The following CACNA1C variants were observed in gnomAD, a reference collection of about 807,000 sequenced individuals.
The protein encoded by CACNA1C is voltage-dependent L-type calcium channel subunit alpha-1C.
A neutral mutation model predicts 229.0 loss-of-function variants in CACNA1C; 30 were observed. The ratio of observed to expected loss-of-function variants is 0.13; its 90% CI spans 0.10 to 0.18. CACNA1C has a LOEUF of 0.18. CACNA1C is among the 10% of genes least tolerant of loss of function. CACNA1C has a pLI of 1.00. For missense variants in CACNA1C, 1,658 were observed against 2,845.0 expected, an observed-to-expected ratio of 0.58 and a Z score of 9.49; for synonymous variants, 1,114 against 1,132.5, an observed-to-expected ratio of 0.98 and a Z score of 0.33.
At chr12:2,593,883 A>C (rs2066742057) in intron 19 of CACNA1C, among the ~76,000 whole-genome samples, 1 of 152,106 alleles carries the variant, frequency 6.6e-6, no homozygotes, top group Non-Finnish European at 1.5e-5. Context: ...TTTCTTCCTA[A>C]AGTACATTCT....
chr12:2,604,964 T>A, intron 22 of CACNA1C, 117 bp from the exon 23 acceptor site: 1 of 767,150 alleles, frequency 1.3e-6, no homozygotes. Context: ...CAAGATGGGC[T>A]TTATGTTTTC....
chr12:2,118,227 G>A (rs2084871630), intron 2 of CACNA1C, among the ~76,000 whole-genome samples: 1 of 152,222 alleles, frequency 6.6e-6, no homozygotes, highest in Non-Finnish European at 1.5e-5. Flanking sequence ...CTGTGGTGGA[G>A]GCAATGAAGT....
intron 9 of CACNA1C, among the ~76,000 whole-genome samples, chr12:2,536,804 G>A (rs184251008): frequency 2.5e-4 from 38 of 152,214 alleles, no homozygotes; most frequent in African/African-American, 7.2e-4. Context: ...ACTCCAGCCT[G>A]GGCAACAGAG....
intron 3 of CACNA1C, among the ~76,000 whole-genome samples, chr12:2,151,275 T>G (rs1223398763): frequency 6.6e-6 from 1 of 151,382 alleles, no homozygotes; most frequent in Non-Finnish European, 1.5e-5. Flanking sequence ...TTTTTTTTTA[T>G]TTTTTGCCCA....
At chr12:2,472,194 T>C (rs2099597108) in intron 5 of CACNA1C, among the ~76,000 whole-genome samples, 1 of 152,206 alleles carries the variant, frequency 6.6e-6, no homozygotes, top group Admixed American at 6.5e-5. Context: ...TTTCTTCAAA[T>C]ATTTTTTTGT....
chr12:2,521,213 A>G (rs2099809195), intron 9 of CACNA1C, among the ~76,000 whole-genome samples: 3 of 152,202 alleles, frequency 2.0e-5, no homozygotes, highest in Non-Finnish European at 4.4e-5. Flanking sequence ...TCACTGTGTA[A>G]CAGCTATGGT....
rs2059805481 is a variant in CACNA1C at position 2,215,723 on chromosome 12, C to T, written c.477+95293C>T. On this transcript the variant is annotated intron_variant, in intron 3 of 46. Transcript: ENST00000399655. This position sits in a 1 kb window ranked among gnomAD's most constrained non-coding sequence, Gnocchi z 5.0. ...CCAAACAGGCCAGTCCTTGGAGCTG[C>T]TGCCATGGCTTCAGCTTCCAGTACC... is the stretch of plus-strand genomic sequence containing the variant. Among the ~76,000 whole-genome samples, 1 of 152,216 alleles carries T rather than the reference C, an allele frequency of 6.6e-6. No homozygotes were observed. Among genetic ancestry groups the T allele is most frequent in the African/African-American group, 2.4e-5 (1 of 41,452 alleles).
chr12:2,039,256 G>T (rs1330020443), intron 1 of CACNA1C, among the ~76,000 whole-genome samples: 3 of 152,120 alleles, frequency 2.0e-5, no homozygotes, highest in Non-Finnish European at 4.4e-5. Context: ...ATCTCCCTGG[G>T]TAACCTGCCA....
intron 9 of CACNA1C, among the ~76,000 whole-genome samples, chr12:2,538,432 A>G (rs1599311202): frequency 6.6e-6 from 1 of 152,004 alleles, no homozygotes; most frequent in African/African-American, 2.4e-5. Flanking sequence ...GTGGCCTGGG[A>G]ACTGTGTTTC....
chr12:2,189,210 G>A (rs757149251), intron 3 of CACNA1C, among the ~76,000 whole-genome samples: 1 of 152,004 alleles, frequency 6.6e-6, no homozygotes, highest in Non-Finnish European at 1.5e-5. Flanking sequence ...TGGTGCCTGG[G>A]TTAGCACCAT....
chr12:2,251,773 G>A (rs568341653), intron 3 of CACNA1C, among the ~76,000 whole-genome samples: 5 of 152,316 alleles, frequency 3.3e-5, no homozygotes, highest in African/African-American at 4.8e-5. Flanking sequence ...TCCATGAAGC[G>A]AAAATGTTTC....
chr12:1,986,762 A>T (rs1380418948), intron 1 of CACNA1C, among the ~76,000 whole-genome samples: 2 of 152,090 alleles, frequency 1.3e-5, no homozygotes, highest in African/African-American at 4.8e-5. Flanking sequence ...TCACCACCAT[A>T]GCAGTTTTTC....
At chr12:2,267,871 C>T (rs1197326089) in intron 3 of CACNA1C, among the ~76,000 whole-genome samples, 2 of 152,158 alleles carry the variant, frequency 1.3e-5, no homozygotes, top group Non-Finnish European at 1.5e-5. Context: ...ATGCTGGCCT[C>T]GCCAGTCCTT....
chr12:2,482,590 C>A (rs981872267), intron 5 of CACNA1C, among the ~76,000 whole-genome samples: 1 of 152,204 alleles, frequency 6.6e-6, no homozygotes, highest in South Asian at 2.1e-4. Flanking sequence ...GTCTTCAGAA[C>A]GCGCTCATCA....
intron 13 of CACNA1C, among the ~76,000 whole-genome samples, chr12:2,577,933 A>G (rs1178440125): frequency 1.4e-5 from 2 of 147,764 alleles, no homozygotes; most frequent in African/African-American, 2.5e-5. Flanking sequence ...CAGTGGCGCG[A>G]TCTCGGCTCA....
intron 3 of CACNA1C, among the ~76,000 whole-genome samples, chr12:2,169,997 T>A (rs1256990723): frequency 1.3e-5 from 2 of 152,202 alleles, no homozygotes; most frequent in African/African-American, 2.4e-5. Flanking sequence ...AGAGCAGGGC[T>A]GGCTCCCCTG....
chr12:2,208,026 C>T (rs904593109), intron 3 of CACNA1C, among the ~76,000 whole-genome samples: 1 of 152,102 alleles, frequency 6.6e-6, no homozygotes, highest in Non-Finnish European at 1.5e-5. Flanking sequence ...CAAGGAGGTA[C>T]GCAGCCAAAT....
chr12:2,492,402 A>G (rs948822684), intron 6 of CACNA1C, among the ~76,000 whole-genome samples: 5 of 152,208 alleles, frequency 3.3e-5, no homozygotes, highest in African/African-American at 1.2e-4. Flanking sequence ...CTGCCGCTCT[A>G]TCTTGATAGA....
intron 3 of CACNA1C, among the ~76,000 whole-genome samples, chr12:2,295,805 G>A (rs2093985358): frequency 6.6e-6 from 1 of 152,240 alleles, no homozygotes; most frequent in Admixed American, 6.5e-5. Flanking sequence ...TGGCTAGTAA[G>A]TGGCAAATGT....
Sources: allele counts gnomAD v4.1 joint callset (sites outside exome capture counted in the v4.1 genomes callset), GRCh38; gene constraint gnomAD v4.1.1; non-coding constraint Gnocchi (gnomAD v3.1); transcripts MANE v1.5; gene names NCBI Gene and HGNC (gene_info 2026-07-23, HGNC 2026-07-21).